TBCE: variants seen among roughly 807,000 people sequenced by gnomAD.
TBCE encodes the protein tubulin folding cofactor E, also known as tubulin-specific chaperone E.
A neutral mutation model predicts 77.0 loss-of-function variants in TBCE; 53 were observed. That is an observed-to-expected ratio of 0.69 (90% CI 0.55 to 0.87). The LOEUF (loss-of-function observed/expected upper bound fraction) is 0.87, where lower values mean the gene tolerates loss of function less well. TBCE is among the 40% of genes least tolerant of loss of function. The pLI, the probability that TBCE is intolerant of heterozygous loss-of-function variation, is 0.00. For missense variants in TBCE, 624 were observed against 622.4 expected (o/e 1.00, Z -0.03); for synonymous variants, 235 against 241.3 (o/e 0.97, Z 0.24).
intron 2 of TBCE, among the ~76,000 whole-genome samples, chr1:235,385,503 G>C (rs545894721): frequency 6.6e-6 from 1 of 152,138 alleles, no homozygotes; most frequent in East Asian, 1.9e-4. Flanking sequence ...GGGTGCTCCT[G>C]TATTGGGTGC....
chr1:235,447,976 C>T (rs1309787619), intron 15 of TBCE, among the ~76,000 whole-genome samples: 5 of 152,068 alleles, frequency 3.3e-5, no homozygotes, highest in South Asian at 2.1e-4. Context: ...TTTGGGGGGC[C>T]AGGGCGGGCG....
intron 3 of TBCE, among the ~76,000 whole-genome samples, chr1:235,402,125 A>G (rs1679148265): frequency 6.9e-6 from 1 of 145,898 alleles, no homozygotes; most frequent in Non-Finnish European, 1.5e-5. Flanking sequence ...GTGCAGTGGC[A>G]CAATCTCAGC....
chr1:235,384,887 A>G (rs917304399), intron 2 of TBCE, among the ~76,000 whole-genome samples: 1 of 149,948 alleles, frequency 6.7e-6, no homozygotes, highest in Non-Finnish European at 1.5e-5. Flanking sequence ...TTGCTTTTCT[A>G]GTTCTTTTAA....
At chr1:235,443,185 C>CACACATAT (rs375134195) in intron 15 of TBCE, among the ~76,000 whole-genome samples, 1 of 139,748 alleles carries the variant, frequency 7.2e-6, no homozygotes, top group African/African-American at 2.5e-5. Context: ...CACACACACA[C>CACACATAT]ATATATATAT....
chr1:235,426,688 C>T (rs1241155665), intron 5 of TBCE, among the ~76,000 whole-genome samples: 1 of 152,224 alleles, frequency 6.6e-6, no homozygotes, highest in Admixed American at 6.5e-5. Flanking sequence ...CTCTGTCACC[C>T]AGGCTGGAGT....
rs1682638052 is a variant in TBCE at position 235,448,550 on chromosome 1, T to C, written c.1491+110T>C. ...TGATTCTAAATGGAGACCATGGGTC[T>C]GTTTGTTTGATTTTAAGGGTAAGCT... is the stretch of plus-strand genomic sequence containing the variant. On this transcript the variant is annotated intron_variant, in intron 16 of 16. Coordinates refer to ENST00000642610, the MANE Select transcript of TBCE (RefSeq NM_003193.5). 6.6e-6 allele frequency: 9 copies of C among 1,366,756 alleles called. No homozygotes were observed. The East Asian group carries it at 2.1e-4, about 31-fold the overall frequency. 84.7% of individuals were successfully genotyped at this position (1,366,756 alleles called of 1,614,324 possible).
chr1:235,421,408 T>C (rs1680393076), intron 5 of TBCE, among the ~76,000 whole-genome samples: 1 of 152,070 alleles, frequency 6.6e-6, no homozygotes, highest in Admixed American at 6.6e-5. Context: ...CCGTTTCTAT[T>C]AAGAAATTTC....
chr1:235,393,365 T>C (rs1289364822), intron 2 of TBCE, among the ~76,000 whole-genome samples: 2 of 152,088 alleles, frequency 1.3e-5, no homozygotes, highest in Non-Finnish European at 2.9e-5. Flanking sequence ...GGTGAAACCC[T>C]GTCTCTACTA....
chr1:235,432,360 A>G (rs1370902718), intron 7 of TBCE, among the ~76,000 whole-genome samples: 2 of 152,158 alleles, frequency 1.3e-5, no homozygotes, highest in East Asian at 3.9e-4. Context: ...CACAGAGGCC[A>G]CTCAGTGAGA....
rs1242341170 is a variant in TBCE, at chr1:235,449,112, G to GAATTCTC, written c.*351_*357dup. The GAATTCTC allele has an allele frequency of 7.0e-6, 2 of 283,824 alleles. No homozygotes were observed. The highest frequency in any genetic ancestry group is 4.5e-5 in the African/African-American group (2 of 44,804). The allele number at this position is 283,824 out of a possible 1,614,324, so 17.6% of individuals were successfully genotyped here. On this transcript the variant is annotated 3_prime_UTR_variant, in exon 17 of 17. Transcript: ENST00000642610. ...ATCTGTCATAAGACTAGTTTTAATGGAATTCTCTATTGAAACTACTATTTT... is the reference window on the plus strand; with the variant it reads ...ATCTGTCATAAGACTAGTTTTAATGGAATTCTCAATTCTCTATTGAAACTACTATTTT...
chr1:235,369,345 A>G (rs911054926), intron 1 of TBCE, among the ~76,000 whole-genome samples: 29 of 150,944 alleles, frequency 1.9e-4, no homozygotes, highest in Non-Finnish European at 3.4e-4. Context: ...CGTCTCTACT[A>G]AAAATACAAA....
chr1:235,448,898 AT>A lies in TBCE; in HGVS notation c.*142del. On this transcript the variant is annotated 3_prime_UTR_variant, in exon 17 of 17. Coordinates refer to ENST00000642610, the MANE Select transcript of TBCE (RefSeq NM_003193.5). Reference sequence around the variant, plus strand: ...TTGTCCTAAGTATAACAAGGGATGTATTTTTTGTTGGGAAGTGACCATTTCT... The same window carrying A: ...TTGTCCTAAGTATAACAAGGGATGTATTTTTGTTGGGAAGTGACCATTTCT... 1.4e-6 allele frequency: 1 copy of A among 723,164 alleles called. No homozygotes were observed. Among genetic ancestry groups the A allele is most frequent in the Non-Finnish European group, 2.4e-6 (1 of 411,284 alleles). The allele number at this position is 723,164 out of a possible 1,614,324, so 44.8% of individuals were successfully genotyped here. A position where few individuals can be genotyped will look rare whatever the true frequency, so the allele number is the denominator to read the frequency against.
chr1:235,391,494 C>T (rs531699259), intron 2 of TBCE, among the ~76,000 whole-genome samples: 2 of 149,374 alleles, frequency 1.3e-5, no homozygotes, highest in African/African-American at 4.9e-5. Context: ...AAAAAAAAAG[C>T]GTAGACAAAG....
Position 235,450,334 on chromosome 1 carries a change from G to A in TBCE, c.*1572G>A. The A allele has an allele frequency of 6.2e-7, 1 of 1,614,034 alleles. No homozygotes were observed. The highest frequency in any genetic ancestry group is 8.5e-7 in the Non-Finnish European group (1 of 1,179,944). On this transcript the variant is annotated 3_prime_UTR_variant, in exon 17 of 17. Coordinates refer to ENST00000642610, the MANE Select transcript of TBCE (RefSeq NM_003193.5). ...TCACAGGTCTTCTCACACAGCCACA[G>A]ACTGTCCTGTTGAGAAACAACCAAA...
chr1:235,427,641 G>C (rs1419175474), intron 6 of TBCE, among the ~76,000 whole-genome samples: 1 of 152,128 alleles, frequency 6.6e-6, no homozygotes, highest in Non-Finnish European at 1.5e-5. Context: ...AGGGTGGGGT[G>C]GCCAGCCTTT....
At chr1:235,393,305 G>A (rs924113374) in intron 2 of TBCE, among the ~76,000 whole-genome samples, 2 of 152,202 alleles carry the variant, frequency 1.3e-5, no homozygotes, top group African/African-American at 2.4e-5. Context: ...TTGGGAGGCC[G>A]AGGTGGGTGG....
chr1:235,439,676 CG>C (rs1185726860), intron 13 of TBCE, among the ~76,000 whole-genome samples: 1 of 150,942 alleles, frequency 6.6e-6, no homozygotes, highest in Non-Finnish European at 1.5e-5. Flanking sequence ...TTAGTAGAGA[CG>C]GGGTTTCACC....
intron 2 of TBCE, among the ~76,000 whole-genome samples, chr1:235,383,464 C>T (rs2102820230): frequency 6.6e-6 from 1 of 152,156 alleles, no homozygotes; most frequent in African/African-American, 2.4e-5. Context: ...AATGTTCTTC[C>T]ATTTGTTTGT....
At chr1:235,383,279 G>C (rs1449026532) in intron 2 of TBCE, among the ~76,000 whole-genome samples, 2 of 152,018 alleles carry the variant, frequency 1.3e-5, no homozygotes, top group Non-Finnish European at 2.9e-5. Flanking sequence ...TTTTGGCTTA[G>C]GATTGACATG....
Sources: allele counts gnomAD v4.1 joint callset (sites outside exome capture counted in the v4.1 genomes callset), GRCh38; gene constraint gnomAD v4.1.1; transcripts MANE v1.5; gene names NCBI Gene and HGNC (gene_info 2026-07-23, HGNC 2026-07-21).